MEF2D: variants seen among roughly 807,000 people sequenced by gnomAD.
The protein encoded by MEF2D is myocyte-specific enhancer factor 2D.
MEF2D carries 10 observed loss-of-function variants against 59.3 expected under a neutral mutation model. The observed-to-expected ratio is 0.17, with a 90% CI of 0.10 to 0.29. MEF2D has a LOEUF of 0.29. Ranked by LOEUF, MEF2D falls within the 10% of genes least tolerant of loss-of-function variation. The pLI is 1.00. For missense variants in MEF2D, 508 were observed against 699.4 expected, an observed-to-expected ratio of 0.73 and a Z score of 3.09; for synonymous variants, 305 against 295.0, an observed-to-expected ratio of 1.03 and a Z score of -0.35.
At position 156,468,968 on chromosome 1, in the gene MEF2D, A is replaced by G. The variant is rs1281874974; in HGVS notation, c.1059T>C (p.Pro353=). 4 of 1,613,418 alleles carry G rather than the reference A, an allele frequency of 2.5e-6. No individual in the cohort carries two copies. Among genetic ancestry groups the G allele is most frequent in the African/African-American group, 1.3e-5 (1 of 74,920 alleles). The change falls in exon 10 of 12, where the codon CCT becomes CCC. Residue 353 remains proline (P), a synonymous_variant. Transcript: ENST00000348159. The surrounding 1 kb of genome is among the most constrained non-coding windows in gnomAD (Gnocchi z 4.3). ...TGACATTGCCTAGCGACAGCCCCCC[A>G]GGTGAACTAAAGGCTGGTAAGGAGG... The part of the protein sequence containing the change: ...ELSSLPAFSS[P]GGLSLGNVTA...
intron 1 of MEF2D, among the ~76,000 whole-genome samples, chr1:156,487,644 T>G (rs1336799013): frequency 6.6e-6 from 1 of 152,218 alleles, no homozygotes. Context: ...TATCCAAGGT[T>G]TGGAGGCCTA....
chr1:156,468,751 C>T lies in MEF2D; in HGVS notation c.1247+29G>A, dbSNP rs1405090524. 9 of 1,594,030 alleles carry T rather than the reference C, an allele frequency of 5.6e-6. No homozygotes were observed. The Admixed American group carries it at 1.2e-4, about 21-fold the overall frequency. ...TCCCGTTCAATTCTCCCTTCCCACACACTCACATGCAGTCTCCCCAGGACT... is the reference window on the plus strand; with the variant it reads ...TCCCGTTCAATTCTCCCTTCCCACATACTCACATGCAGTCTCCCCAGGACT... On this transcript the variant is annotated intron_variant, in intron 10 of 11. Coordinates refer to ENST00000348159, the MANE Select transcript of MEF2D (RefSeq NM_005920.4). The surrounding 1 kb of genome is among the most constrained non-coding windows in gnomAD (Gnocchi z 4.3).
intron 1 of MEF2D, among the ~76,000 whole-genome samples, chr1:156,492,810 G>A (rs112695557): frequency 4.0e-4 from 61 of 152,302 alleles, no homozygotes; most frequent in Admixed American, 1.3e-3. Flanking sequence ...CTGGGGCCTT[G>A]GGGGCGGGTC....
At chr1:156,485,369 T>C (rs1557890481) in intron 1 of MEF2D, among the ~76,000 whole-genome samples, 1 of 152,060 alleles carries the variant, frequency 6.6e-6, no homozygotes, top group Non-Finnish European at 1.5e-5. Context: ...AAGGAATCTA[T>C]CAATTTGGGA....
chr1:156,479,866 A>AG, intron 4 of MEF2D, 70 bp from the exon 5 acceptor site: 1 of 1,413,520 alleles, frequency 7.1e-7, no homozygotes, highest in Non-Finnish European at 9.7e-7. Flanking sequence ...TTTTCCTGGG[A>AG]GGGCAGGCAA....
chr1:156,470,582 C>T (rs1298454796), intron 9 of MEF2D, among the ~76,000 whole-genome samples: 4 of 152,120 alleles, frequency 2.6e-5, no homozygotes, highest in Non-Finnish European at 5.9e-5. Context: ...TGTTTTTATG[C>T]AGGGAAGACA....
At position 156,499,911 on chromosome 1, in the gene MEF2D, C is replaced by T. The variant is rs186275315; in HGVS notation, c.-139+575G>A. Among the ~76,000 whole-genome samples, 743 of 152,212 alleles carry T rather than the reference C, an allele frequency of 4.9e-3. 6 individuals are homozygous for T. Among genetic ancestry groups the T allele is most frequent in the African/African-American group, 0.017 (702 of 41,530 alleles). On this transcript the variant is annotated intron_variant, in intron 1 of 11. Transcript: ENST00000348159. ...CCGGAGACACACACACTCACACACC[C>T]CAACCCACTACCCCGGTGTCATCTG...
intron 3 of MEF2D, among the ~76,000 whole-genome samples, chr1:156,482,098 C>T (rs1470983988): frequency 6.6e-6 from 1 of 152,068 alleles, no homozygotes; most frequent in East Asian, 1.9e-4. Flanking sequence ...GATGGAGAAG[C>T]GGGGAAAGAG....
At position 156,479,878 on chromosome 1, in the gene MEF2D, G is replaced by C. The variant is rs957470850; in HGVS notation, c.397-82C>G. On this transcript the variant is annotated intron_variant, in intron 4 of 11. Coordinates refer to ENST00000348159, the MANE Select transcript of MEF2D (RefSeq NM_005920.4). ...CACTTTTCCTGGGAGGGCAGGCAAGGGTTCTTCTCATTTCTGGGCTACGCA... is the reference window on the plus strand; with the variant it reads ...CACTTTTCCTGGGAGGGCAGGCAAGCGTTCTTCTCATTTCTGGGCTACGCA... 3 of 1,370,532 alleles carry C rather than the reference G, an allele frequency of 2.2e-6. No individual in the cohort carries two copies. The South Asian group carries it at 3.8e-5, about 17-fold the overall frequency. The allele number at this position is 1,370,532 out of a possible 1,614,324, so 84.9% of individuals were successfully genotyped here. A position where few individuals can be genotyped will look rare whatever the true frequency, so the allele number is the denominator to read the frequency against.
At chr1:156,469,599 A>AAC (rs1002053193) in intron 9 of MEF2D, among the ~76,000 whole-genome samples, 3 of 107,660 alleles carry the variant, frequency 2.8e-5, no homozygotes, top group East Asian at 3.5e-4. Context: ...TAAAAAAAAA[A>AAC]AAAAAAACAG....
intron 1 of MEF2D, among the ~76,000 whole-genome samples, chr1:156,498,926 G>C (rs1673308041): frequency 6.6e-6 from 1 of 152,214 alleles, no homozygotes; most frequent in Non-Finnish European, 1.5e-5. Context: ...TTCCCAGGCA[G>C]GGCCGTGGGA....
intron 1 of MEF2D, among the ~76,000 whole-genome samples, chr1:156,496,103 A>G (rs552304983): frequency 6.6e-5 from 10 of 152,228 alleles, no homozygotes; most frequent in Non-Finnish European, 1.5e-4. Flanking sequence ...ACTAACCAGA[A>G]GCATAACTTG....
intron 1 of MEF2D, among the ~76,000 whole-genome samples, chr1:156,488,071 A>G (rs1390754591): frequency 6.6e-6 from 1 of 152,216 alleles, no homozygotes; most frequent in Admixed American, 6.5e-5. Context: ...CTATGTCACC[A>G]AAAGTTCCCC....
At chr1:156,493,496 G>A (rs1356783038) in intron 1 of MEF2D, among the ~76,000 whole-genome samples, 1 of 151,994 alleles carries the variant, frequency 6.6e-6, no homozygotes, top group Non-Finnish European at 1.5e-5. Flanking sequence ...AGCTCTTACA[G>A]GATTAGCTTG....
chr1:156,492,439 T>C (rs1672859750), intron 1 of MEF2D, among the ~76,000 whole-genome samples: 1 of 152,228 alleles, frequency 6.6e-6, no homozygotes, highest in South Asian at 2.1e-4. Context: ...CCCAGCATTG[T>C]ATGCCAACCA....
chr1:156,488,492 G>A (rs1457920348), intron 1 of MEF2D, among the ~76,000 whole-genome samples: 2 of 151,844 alleles, frequency 1.3e-5, no homozygotes, highest in Admixed American at 1.3e-4. Flanking sequence ...GAGAGCTGAG[G>A]GGACCAGGGG....
At chr1:156,494,548 G>C (rs574643877) in intron 1 of MEF2D, among the ~76,000 whole-genome samples, 1 of 152,194 alleles carries the variant, frequency 6.6e-6, no homozygotes, top group African/African-American at 2.4e-5. Context: ...AGGCCAGGAG[G>C]AACCCTCAAG....
At chr1:156,472,624 C>T (rs918250782) in intron 9 of MEF2D, among the ~76,000 whole-genome samples, 4 of 152,030 alleles carry the variant, frequency 2.6e-5, no homozygotes, top group African/African-American at 7.2e-5. Context: ...CCTCGGCTCA[C>T]CGCAACCTCC....
chr1:156,474,045 T>C (rs957760982), intron 9 of MEF2D, among the ~76,000 whole-genome samples: 3 of 152,164 alleles, frequency 2.0e-5, no homozygotes, highest in Admixed American at 6.5e-5. Flanking sequence ...CCACTCCCCA[T>C]ACCTGCAGCC....
Sources: gnomAD v4.1 joint callset for allele counts (sites outside exome capture counted in the v4.1 genomes callset) on GRCh38, gnomAD v4.1.1 for gene constraint, Gnocchi (gnomAD v3.1) non-coding constraint, MANE v1.5 for transcripts, NCBI Gene and HGNC (gene_info 2026-07-23, HGNC 2026-07-21) for gene names.